The following CCDC39 variants were observed in gnomAD, a reference collection of about 807,000 sequenced individuals.
The protein encoded by CCDC39 is coiled-coil domain 39 molecular ruler complex subunit.
Under a neutral mutation model 121.0 loss-of-function variants are expected in CCDC39, and 113 were observed. The observed-to-expected ratio is 0.93, with a 90% confidence interval of 0.80 to 1.09. CCDC39 has a LOEUF of 1.09. CCDC39 is among the 50% of genes least tolerant of loss of function. The pLI is 0.00. For missense variants in CCDC39, 1,063 were observed against 1,074.7 expected (o/e 0.99, Z 0.15); for synonymous variants, 349 against 352.2 (o/e 0.99, Z 0.10).
At chr3:180,651,592 CA>C in intron 8 of CCDC39, 59 bp from the exon 9 acceptor site, 1 of 1,418,010 alleles carries the variant, frequency 7.1e-7, no homozygotes, top group Non-Finnish European at 9.3e-7. Flanking sequence ...TTCATACAAA[CA>C]AATAATAGTT....
intron 6 of CCDC39, among the ~76,000 whole-genome samples, chr3:180,656,713 A>C (rs1363445082): frequency 6.9e-6 from 1 of 145,794 alleles, no homozygotes; most frequent in Non-Finnish European, 1.5e-5. Context: ...TTTGCAGTAA[A>C]GAAACCAGCT....
chr3:180,622,146 A>G (rs1462308801), intron 14 of CCDC39, among the ~76,000 whole-genome samples: 1 of 152,022 alleles, frequency 6.6e-6, no homozygotes, highest in Non-Finnish European at 1.5e-5. Flanking sequence ...CCTTGGTTAA[A>G]TACATTTCTA....
At chr3:180,660,771 T>C in intron 3 of CCDC39, 43 bp from the exon 4 acceptor site, 1 of 1,543,972 alleles carries the variant, frequency 6.5e-7, no homozygotes, top group Non-Finnish European at 8.8e-7. Flanking sequence ...TTACAAAACA[T>C]TACTTACTAT....
chr3:180,644,200 G>A lies in CCDC39; in HGVS notation c.1585C>T (p.Leu529Phe). The stretch of plus-strand genomic sequence containing the variant: ...TTTAGTTCATTTATTTTGGTCATAA[G>A]GGACTGTTTTTCATCACTGTTTTTA... Reference protein sequence around the residue: ...HSKNSDEKQSLMTKINELNLF... With the variant: ...HSKNSDEKQSFMTKINELNLF... Residue 529 changes from leucine (L) to phenylalanine (F), a missense_variant, in exon 12 of 20, where the codon CTT (leucine) becomes TTT (phenylalanine). Transcript: ENST00000476379. The A allele has an allele frequency of 1.3e-6, 2 of 1,544,584 alleles. No homozygotes were observed. The highest frequency in any genetic ancestry group is 1.7e-6 in the Non-Finnish European group (2 of 1,143,736).
chr3:180,621,403 C>T (rs1454635114), intron 14 of CCDC39, among the ~76,000 whole-genome samples: 1 of 152,096 alleles, frequency 6.6e-6, no homozygotes, highest in Non-Finnish European at 1.5e-5. Context: ...ATTCATTTTT[C>T]TCCATATCCA....
At position 180,617,529 on chromosome 3, in the gene CCDC39, G is replaced by T. The variant is rs563350598; in HGVS notation, c.2266-563C>A. 4.2e-5 allele frequency: 27 copies of T among 637,628 alleles called. No individual in the cohort carries two copies. In the South Asian group the frequency reaches 4.5e-4, roughly 11 times the overall value. The allele number at this position is 637,628 out of a possible 1,614,324, so 39.5% of individuals were successfully genotyped here. On this transcript the variant is annotated intron_variant, in intron 16 of 19. Transcript: ENST00000476379. ...CCTTCAAGTGGGACAAGATATGGAGGTGGAAGACAGTGGTATTGATGATCC... is the reference window on the plus strand; with the variant it reads ...CCTTCAAGTGGGACAAGATATGGAGTTGGAAGACAGTGGTATTGATGATCC...
chr3:180,615,972 C>T (rs1231395075), intron 19 of CCDC39, among the ~76,000 whole-genome samples: 1 of 152,104 alleles, frequency 6.6e-6, no homozygotes, highest in African/African-American at 2.4e-5. Context: ...GGGGGTTCAC[C>T]CCCAAATGCT....
intron 1 of CCDC39, among the ~76,000 whole-genome samples, chr3:180,676,959 A>G (rs946366202): frequency 2.1e-4 from 32 of 151,166 alleles, no homozygotes; most frequent in African/African-American, 7.3e-4. Flanking sequence ...GAACACTTGG[A>G]TACAGGAAGG....
At chr3:180,651,961 C>T (rs1711500525) in intron 8 of CCDC39, among the ~76,000 whole-genome samples, 1 of 151,610 alleles carries the variant, frequency 6.6e-6, no homozygotes, top group African/African-American at 2.4e-5. Flanking sequence ...GGTGTGAACC[C>T]AGGAGGCGGA....
chr3:180,668,646 A>G (rs1711952930), intron 1 of CCDC39, among the ~76,000 whole-genome samples: 1 of 152,134 alleles, frequency 6.6e-6, no homozygotes, highest in Non-Finnish European at 1.5e-5. Flanking sequence ...ATTAGTAACT[A>G]TGTTTCTATT....
At chr3:180,662,649 G>T (rs1431637168) in intron 2 of CCDC39, among the ~76,000 whole-genome samples, 1 of 152,108 alleles carries the variant, frequency 6.6e-6, no homozygotes, top group Non-Finnish European at 1.5e-5. Context: ...TACAACTACA[G>T]AGTCTCTGCC....
At chr3:180,616,139 T>C (rs559875633) in intron 19 of CCDC39, 142 bp downstream of exon 19, 1 of 698,332 alleles carries the variant, frequency 1.4e-6, no homozygotes, top group South Asian at 1.6e-5. Flanking sequence ...TGATGCTGAC[T>C]AGTGAGATGT....
chr3:180,641,049 A>G (rs1717942096), intron 13 of CCDC39, among the ~76,000 whole-genome samples: 1 of 152,040 alleles, frequency 6.6e-6, no homozygotes, highest in African/African-American at 2.4e-5. Flanking sequence ...TCCCTAACAA[A>G]ATCTAGATGT....
rs150630630 is a variant in CCDC39, at chr3:180,671,056, A to G, written c.91-7070T>C. 4.6e-3 allele frequency among the ~76,000 whole-genome samples: 701 copies of G among 152,114 alleles called. 13 individuals are homozygous for G. The highest frequency in any genetic ancestry group is 0.042 in the Admixed American group (643 of 15,268). On this transcript the variant is annotated intron_variant, in intron 1 of 19. Transcript: ENST00000476379. ...GCAAAACCCTGTGTCTACTAAAAAT[A>G]CAAAAACTAGCTAGGTGTGGTGGTA...
chr3:180,654,208 G>A, intron 7 of CCDC39, among the ~76,000 whole-genome samples: 1 of 122,430 alleles, frequency 8.2e-6, no homozygotes. Flanking sequence ...TAAGAAAACT[G>A]GATAGCCACA....
At chr3:180,667,618 T>C (rs151209772) in intron 1 of CCDC39, among the ~76,000 whole-genome samples, 3 of 152,306 alleles carry the variant, frequency 2.0e-5, no homozygotes, top group Non-Finnish European at 2.9e-5. Flanking sequence ...GTTGTATCTG[T>C]TCTGACTGCA....
intron 6 of CCDC39, 34 bp from the exon 7 acceptor site, chr3:180,654,987 A>G: frequency 7.6e-7 from 1 of 1,317,550 alleles, no homozygotes; most frequent in Non-Finnish European, 1.0e-6. Context: ...ACTTAAATAT[A>G]TGTTTAAACT....
intron 3 of CCDC39, 57 bp downstream of exon 3, chr3:180,661,804 T>C (rs894245102): frequency 4.8e-6 from 7 of 1,471,552 alleles, no homozygotes; most frequent in Admixed American, 2.1e-5. Flanking sequence ...CAATGCTCAT[T>C]TGGTGATGGA....
chr3:180,616,405 T>C, intron 18 of CCDC39, 42 bp from the exon 19 acceptor site: 6 of 1,543,110 alleles, frequency 3.9e-6, no homozygotes, highest in Non-Finnish European at 4.4e-6. Flanking sequence ...CTACCTACTG[T>C]TTTTTAGAAG....
Sources: gnomAD v4.1 joint callset for allele counts (sites outside exome capture counted in the v4.1 genomes callset) on GRCh38, gnomAD v4.1.1 for gene constraint, MANE v1.5 for transcripts, NCBI Gene and HGNC (gene_info 2026-07-23, HGNC 2026-07-21) for gene names.